The following GOLGB1 variants were observed in gnomAD, a reference collection of about 807,000 sequenced individuals.
The protein encoded by GOLGB1 is golgin subfamily B member 1.
Under a neutral mutation model 336.9 loss-of-function variants are expected in GOLGB1, and 174 were observed. The observed-to-expected ratio is 0.52, with a 90% CI of 0.46 to 0.59. GOLGB1 has a LOEUF of 0.59. Ranked by LOEUF, GOLGB1 falls within the 20% of genes least tolerant of loss-of-function variation. The pLI is 0.00. For synonymous variants in GOLGB1, 1,208 were observed against 1,289.2 expected, an observed-to-expected ratio of 0.94 and a Z score of 1.35; for missense variants, 3,331 against 3,645.3, an observed-to-expected ratio of 0.91 and a Z score of 2.22.
chr3:121,677,008 G>A lies in GOLGB1; in HGVS notation c.9062C>T (p.Ser3021Phe). The change falls in exon 17 of 22, where the codon TCC becomes TTC. Residue 3021 changes from serine (S) to phenylalanine (F), a missense_variant. Transcript: ENST00000614479. ...AACCAGATTTTGTGACCCATCTGGGGAAGCTGATGTCTCTGGGGATGCCTG... is the reference window on the plus strand; with the variant it reads ...AACCAGATTTTGTGACCCATCTGGGAAAGCTGATGTCTCTGGGGATGCCTG... ...QRQASPETSA[S>F]PDGSQNLVYE... 6.2e-7 allele frequency: 1 copy of A among 1,613,898 alleles called. No homozygotes were observed. Among genetic ancestry groups the A allele is most frequent in the Non-Finnish European group, 8.5e-7 (1 of 1,179,826 alleles).
intron 11 of GOLGB1, among the ~76,000 whole-genome samples, chr3:121,700,438 T>G (rs1943299799): frequency 6.6e-6 from 1 of 152,052 alleles, no homozygotes; most frequent in African/African-American, 2.4e-5. Context: ...TAACCCAAGT[T>G]CTGTGACAAT....
intron 1 of GOLGB1, among the ~76,000 whole-genome samples, chr3:121,738,653 G>A (rs1195319366): frequency 6.6e-6 from 1 of 152,194 alleles, no homozygotes; most frequent in Non-Finnish European, 1.5e-5. Flanking sequence ...GGGCCTACGA[G>A]GGCTGAAAGA....
At chr3:121,738,989 G>A (rs536768640) in intron 1 of GOLGB1, among the ~76,000 whole-genome samples, 11 of 152,254 alleles carry the variant, frequency 7.2e-5, no homozygotes, top group East Asian at 3.9e-4. Context: ...GAGGCCAGGC[G>A]TGCTAGCTCA....
Position 121,669,271 on chromosome 3 carries a change from A to G in GOLGB1, c.9262T>C (p.Tyr3088His). ...GCACAGTGATTTAAAAGGTCACCAT[A>G]GTGCTGCTGGTTCTCACGAAGACTC... is the stretch of plus-strand genomic sequence containing the variant. ...SQSLRENQQH[Y>H]GDLLNHCAVL... The change falls in exon 18 of 22, where the codon TAT becomes CAT. Residue 3088 changes from tyrosine to histidine, a missense_variant. Tyr to His is a moderately conservative substitution (Grantham distance 83). Transcript: ENST00000614479. 1.9e-6 allele frequency: 3 copies of G among 1,613,948 alleles called. No individual in the cohort carries two copies. Among genetic ancestry groups the G allele is most frequent in the Non-Finnish European group, 2.5e-6 (3 of 1,179,798 alleles).
At chr3:121,703,932 T>A (rs1576372462) in intron 10 of GOLGB1, among the ~76,000 whole-genome samples, 1 of 151,954 alleles carries the variant, frequency 6.6e-6, no homozygotes, top group African/African-American at 2.4e-5. Flanking sequence ...AGAAAGGAAA[T>A]CTTAGTAAAA....
chr3:121,683,107 G>A (rs1163935206), intron 14 of GOLGB1, among the ~76,000 whole-genome samples: 1 of 107,720 alleles, frequency 9.3e-6, no homozygotes, highest in Non-Finnish European at 1.7e-5. Context: ...TCAGTATGTT[G>A]CCCAGGCTGG....
chr3:121,737,511 T>G (rs1018121022), intron 1 of GOLGB1, among the ~76,000 whole-genome samples: 2 of 151,336 alleles, frequency 1.3e-5, no homozygotes, highest in Non-Finnish European at 2.9e-5. Context: ...ATTAGCCGGG[T>G]GTGGTGGCAC....
Position 121,696,603 on chromosome 3 carries a change from G to A in GOLGB1, c.3920C>T (p.Thr1307Ile). 6.2e-7 allele frequency: 1 copy of A among 1,614,190 alleles called. No homozygotes were observed. The highest frequency in any genetic ancestry group is 8.5e-7 in the Non-Finnish European group (1 of 1,180,018). Residue 1307 changes from threonine (T) to isoleucine (I), a missense_variant, in exon 13 of 22, where the codon ACT becomes ATT. Thr to Ile is a moderately conservative substitution (Grantham distance 89, BLOSUM62 -1). Coordinates refer to ENST00000614479, the MANE Select transcript of GOLGB1 (RefSeq NM_001366282.2). ...CTGGGCCTTAATCTGGGCAACAGAA[G>A]TTCCGCCCTGCAGAGCACTCGCATC... ...SEDASALQGG[T>I]SVAQIKAQLK... is the part of the protein sequence containing the mutation.
intron 6 of GOLGB1, 31 bp downstream of exon 6, chr3:121,722,231 G>C: frequency 8.1e-7 from 1 of 1,231,146 alleles, no homozygotes; most frequent in Non-Finnish European, 1.2e-6. Context: ...GGACTTCATA[G>C]CTCTTTATCC....
intron 7 of GOLGB1, among the ~76,000 whole-genome samples, chr3:121,719,413 A>C (rs919029596): frequency 6.6e-6 from 1 of 152,242 alleles, no homozygotes; most frequent in Admixed American, 6.5e-5. Context: ...ACATAAATTC[A>C]CCAACTAAAC....
At chr3:121,703,969 T>A (rs920798351) in intron 10 of GOLGB1, among the ~76,000 whole-genome samples, 3 of 152,004 alleles carry the variant, frequency 2.0e-5, no homozygotes, top group Non-Finnish European at 2.9e-5. Flanking sequence ...ATGAACCAGT[T>A]TGAAATTCCA....
chr3:121,707,672 T>C (rs1275573110), intron 10 of GOLGB1, among the ~76,000 whole-genome samples: 2 of 149,074 alleles, frequency 1.3e-5, no homozygotes, highest in Non-Finnish European at 3.0e-5. Context: ...GTCCTTCAGA[T>C]AGAAGAAAAA....
rs779235335 is a variant in GOLGB1 at position 121,697,899 on chromosome 3, T to A, written c.2624A>T (p.Gln875Leu). Residue 875 changes from glutamine to leucine, a missense_variant, in exon 13 of 22, where the codon CAG (glutamine) becomes CTG (leucine). Physicochemically the swap from Gln to Leu is moderately radical, Grantham distance 113. Coordinates refer to ENST00000614479, the MANE Select transcript of GOLGB1 (RefSeq NM_001366282.2). ...KVEELSQALSQKELEITKMDQ... is the reference protein window; with the variant it reads ...KVEELSQALSLKELEITKMDQ... ...CATTTTTGTTATTTCAAGTTCCTTC[T>A]GTGAAAGAGCCTGGGACAGTTCTTC... The A allele has an allele frequency of 3.7e-6, 6 of 1,614,096 alleles. No individual in the cohort carries two copies.
chr3:121,738,724 G>C (rs1403972347), intron 1 of GOLGB1, among the ~76,000 whole-genome samples: 1 of 152,094 alleles, frequency 6.6e-6, no homozygotes, highest in Non-Finnish European at 1.5e-5. Flanking sequence ...TCTCTTCCAG[G>C]ATAGGGTCCC....
In GOLGB1 at chr3:121,668,161, GGAA is replaced by G. The variant is rs1398540648; in HGVS notation, c.9322-6_9322-4del. ...GCAACATCTATATTTAGTGGCCCCTGGAAGAAGAATAAGCTTAGTAATTCAGTG... is the reference window on the plus strand; with the variant it reads ...GCAACATCTATATTTAGTGGCCCCTGGAAGAATAAGCTTAGTAATTCAGTG... On this transcript the variant is annotated splice_region_variant and splice_polypyrimidine_tract_variant and intron_variant, in intron 18 of 21. Coordinates refer to ENST00000614479, the MANE Select transcript of GOLGB1 (RefSeq NM_001366282.2). 2.0e-6 allele frequency: 3 copies of G among 1,532,866 alleles called. No homozygotes were observed. Among genetic ancestry groups the G allele is most frequent in the Non-Finnish European group, 2.7e-6 (3 of 1,114,690 alleles). The allele number at this position is 1,532,866 out of a possible 1,614,324, so 95.0% of individuals were successfully genotyped here.
intron 10 of GOLGB1, among the ~76,000 whole-genome samples, chr3:121,708,793 C>T (rs879146963): frequency 2.6e-5 from 4 of 151,612 alleles, no homozygotes; most frequent in African/African-American, 7.3e-5. Context: ...TTCTAATTAT[C>T]GAATAGAAGG....
At chr3:121,743,122 C>T (rs1371454156) in intron 1 of GOLGB1, among the ~76,000 whole-genome samples, 3 of 152,174 alleles carry the variant, frequency 2.0e-5, no homozygotes, top group South Asian at 2.1e-4. Context: ...TGGGTATATA[C>T]CCAAAGGATT....
chr3:121,697,648 C>T lies in GOLGB1; in HGVS notation c.2875G>A (p.Glu959Lys). Residue 959 changes from glutamate (E) to lysine (K), a missense_variant, in exon 13 of 22, where the codon GAA becomes AAA. Glu to Lys is a moderately conservative substitution (Grantham distance 56). Transcript: ENST00000614479. ...AKKEQVEEDN[E>K]VSSGLKQNYD... ...TTTTGTTTAAGGCCAGAAGAAACTT[C>T]ATTATCTTCTTCCACCTGCTCTTTT... is the stretch of plus-strand genomic sequence containing the variant. 1 of 1,612,068 alleles carries T rather than the reference C, an allele frequency of 6.2e-7. No homozygotes were observed. Among genetic ancestry groups the T allele is most frequent in the South Asian group, 1.1e-5 (1 of 90,882 alleles).
chr3:121,701,199 A>C (rs1042684366), intron 11 of GOLGB1, among the ~76,000 whole-genome samples: 1 of 152,198 alleles, frequency 6.6e-6, no homozygotes, highest in African/African-American at 2.4e-5. Context: ...CCTTAAGGTC[A>C]GTGATCCCTG....
Sources: gnomAD v4.1 joint callset for allele counts (sites outside exome capture counted in the v4.1 genomes callset) on GRCh38, gnomAD v4.1.1 for gene constraint, MANE v1.5 for transcripts, NCBI Gene and HGNC (gene_info 2026-07-23, HGNC 2026-07-21) for gene names.